Variants in STX11 observed in about 807,000 individuals in gnomAD.
The protein encoded by STX11 is syntaxin-11.
Under a neutral mutation model 19.9 loss-of-function variants are expected in STX11, and 21 were observed. That is an observed-to-expected ratio of 1.06 (90% CI 0.75 to 1.52). The LOEUF (loss-of-function observed/expected upper bound fraction) is 1.52. Among genes scored for constraint, STX11 ranks in the 40% most tolerant of loss-of-function variants. The pLI, the probability that STX11 is intolerant of heterozygous loss-of-function variation, is 0.00. For missense variants in STX11, 438 were observed against 405.9 expected (o/e 1.08, Z -0.68); for synonymous variants, 193 against 174.4 (o/e 1.11, Z -0.84).
chr6:144,187,084 C>A lies in STX11; in HGVS notation c.457C>A (p.Gln153Lys), dbSNP rs369464977. Residue 153 changes from glutamine (Q) to lysine (K), a missense_variant, in exon 2 of 2, where the codon CAG (glutamine) becomes AAG (lysine). By Grantham distance (53) the Gln-to-Lys change is moderately conservative. Transcript: ENST00000367568. This position sits in a 1 kb window ranked among gnomAD's most constrained non-coding sequence, Gnocchi z 5.6. ...CGACTACAACCAGGCCGAGATGAAGCAGCGCGACAACTGCAAGATCCGCAT... is the reference window on the plus strand; with the variant it reads ...CGACTACAACCAGGCCGAGATGAAGAAGCGCGACAACTGCAAGATCCGCAT... ...MHDYNQAEMKQRDNCKIRIQR... is the reference protein window; with the variant it reads ...MHDYNQAEMKKRDNCKIRIQR... 1 of 1,613,704 alleles carries A rather than the reference C, an allele frequency of 6.2e-7. No homozygotes were observed. The highest frequency in any genetic ancestry group is 8.5e-7 in the Non-Finnish European group (1 of 1,179,998).
chr6:144,140,889 C>CA, the STX11 span: 12 of 689,930 alleles, frequency 1.7e-5, no homozygotes, highest in South Asian at 7.2e-4. Flanking sequence ...TATGGCTATA[C>CA]AAATGTTTAA....
chr6:144,149,721 C>T (rs1416742093), upstream of STX11, among the ~76,000 whole-genome samples: 1 of 152,192 alleles, frequency 6.6e-6, no homozygotes, highest in Non-Finnish European at 1.5e-5. The surrounding 1 kb of genome is among the most constrained non-coding windows in gnomAD (Gnocchi z 5.1). Flanking sequence ...AGAGATCCTC[C>T]CCCTTCGGCC....
At chr6:144,164,126 C>T (rs1368293871) in intron 1 of STX11, among the ~76,000 whole-genome samples, 1 of 152,100 alleles carries the variant, frequency 6.6e-6, no homozygotes, top group Non-Finnish European at 1.5e-5. Context: ...ACATGAAAGT[C>T]CCTGTCAGAG....
Position 144,154,347 on chromosome 6 carries a change from C to A in STX11, c.-6+3644C>A, listed in dbSNP as rs1245887690. ...TACTGTGCTACATGACATCCCACCC[C>A]CTACCTTCACTCCAAGAAATACCTG... is the stretch of plus-strand genomic sequence containing the variant. On this transcript the variant is annotated intron_variant, in intron 1 of 1. Coordinates refer to ENST00000367568, the MANE Select transcript of STX11 (RefSeq NM_003764.4). This position sits in a 1 kb window ranked among gnomAD's most constrained non-coding sequence, Gnocchi z 4.7. 6.6e-6 allele frequency among the ~76,000 whole-genome samples: 1 copy of A among 152,176 alleles called. No homozygotes were observed. Among genetic ancestry groups the A allele is most frequent in the African/African-American group, 2.4e-5 (1 of 41,436 alleles).
At position 144,150,581 on chromosome 6, in the gene STX11, GCGCCGGGAGCGGAGC is replaced by G; in HGVS notation, c.-118_-104del. ...AGGAACTCAGCCTCGGCCGCAGGAG[GCGCCGGGAGCGGAGC>G]CGCCGGGAGTCGCGCAACAGGTTTC... On this transcript the variant is annotated 5_prime_UTR_variant, in exon 1 of 2. Transcript: ENST00000367568. 4 of 985,462 alleles carry G rather than the reference GCGCCGGGAGCGGAGC, an allele frequency of 4.1e-6. No individual in the cohort carries two copies. The highest frequency in any genetic ancestry group is 4.8e-6 in the Non-Finnish European group (4 of 829,950). The allele number at this position is 985,462 out of a possible 1,614,324, so 61.0% of individuals were successfully genotyped here. A position where few individuals can be genotyped will look rare whatever the true frequency, so the allele number is the denominator to read the frequency against.
At chr6:144,164,780 A>G (rs1356629560) in intron 1 of STX11, among the ~76,000 whole-genome samples, 3 of 152,172 alleles carry the variant, frequency 2.0e-5, no homozygotes, top group Non-Finnish European at 4.4e-5. Context: ...TGCAACCTCC[A>G]TCTCATGGGT....
intron 1 of STX11, among the ~76,000 whole-genome samples, chr6:144,179,852 A>C (rs780040498): frequency 6.6e-6 from 1 of 152,242 alleles, no homozygotes; most frequent in African/African-American, 2.4e-5. Context: ...AATTGGTATA[A>C]AATTAGGACA....
chr6:144,154,261 C>G lies in STX11; in HGVS notation c.-6+3558C>G, dbSNP rs78220275. 2.9e-3 allele frequency among the ~76,000 whole-genome samples: 445 copies of G among 152,282 alleles called. 11 individuals are homozygous for G. Among genetic ancestry groups the G allele is most frequent in the East Asian group, 0.025 (129 of 5,174 alleles). On this transcript the variant is annotated intron_variant, in intron 1 of 1. Transcript: ENST00000367568. The surrounding 1 kb of genome is among the most constrained non-coding windows in gnomAD (Gnocchi z 4.7). ...CTCAGGTTGAAGTCACTCTCCTGCCCCTAACAATTCTTCCTTATCCAAGAA... is the reference window on the plus strand; with the variant it reads ...CTCAGGTTGAAGTCACTCTCCTGCCGCTAACAATTCTTCCTTATCCAAGAA...
At chr6:144,179,438 G>A (rs975903192) in intron 1 of STX11, among the ~76,000 whole-genome samples, 2 of 152,226 alleles carry the variant, frequency 1.3e-5, no homozygotes, top group African/African-American at 4.8e-5. Context: ...GTTGGGGAAA[G>A]TCCATTTGTT....
rs540065111 is a variant in STX11, at chr6:144,187,259, A to C, written c.632A>C (p.His211Pro). 1.7e-5 allele frequency: 28 copies of C among 1,613,668 alleles called. No individual in the cohort carries two copies. In the African/African-American group the frequency reaches 2.9e-4, roughly 17 times the overall value. Residue 211 changes from histidine to proline, a missense_variant, in exon 2 of 2, where the codon CAC becomes CCC. By Grantham distance (77) the His-to-Pro change is moderately conservative. Coordinates refer to ENST00000367568, the MANE Select transcript of STX11 (RefSeq NM_003764.4). This position sits in a 1 kb window ranked among gnomAD's most constrained non-coding sequence, Gnocchi z 5.6. ...GCCCTCAACGAGATCGAGAGCCGCC[A>C]CCGCGAACTGCTGCGCCTGGAGAGC... ...RAALNEIESR[H>P]RELLRLESRI...
intron 1 of STX11, among the ~76,000 whole-genome samples, chr6:144,168,006 G>A (rs1368436188): frequency 6.6e-6 from 1 of 152,176 alleles, no homozygotes; most frequent in Non-Finnish European, 1.5e-5. Context: ...AAAATAATGT[G>A]TTCAGGGCAA....
At chr6:144,146,848 T>G (rs1800882923), upstream of STX11, among the ~76,000 whole-genome samples, 1 of 152,134 alleles carries the variant, frequency 6.6e-6, no homozygotes, top group South Asian at 2.1e-4. The surrounding 1 kb of genome is among the most constrained non-coding windows in gnomAD (Gnocchi z 4.4). Flanking sequence ...ACCACACAGC[T>G]GAGATTATCA....
In STX11 at chr6:144,186,638, G is replaced by C; in HGVS notation, c.11G>C (p.Arg4Pro). The C allele has an allele frequency of 6.2e-7, 1 of 1,614,088 alleles. No homozygotes were observed. Among genetic ancestry groups the C allele is most frequent in the Non-Finnish European group, 8.5e-7 (1 of 1,180,038 alleles). Residue 4 changes from arginine to proline, a missense_variant, in exon 2 of 2, where the codon CGG becomes CCG. Arg to Pro is a moderately radical substitution (Grantham distance 103). Transcript: ENST00000367568. Reference sequence around the variant, plus strand: ...CTACTTGCAGGCAAAATGAAAGACCGGCTAGCAGAACTTCTGGACTTGTCC... The same window carrying C: ...CTACTTGCAGGCAAAATGAAAGACCCGCTAGCAGAACTTCTGGACTTGTCC... MKD[R>P]LAELLDLSKQ...
intron 1 of STX11, among the ~76,000 whole-genome samples, chr6:144,157,313 T>C (rs1198416917): frequency 6.6e-6 from 1 of 152,198 alleles, no homozygotes; most frequent in Non-Finnish European, 1.5e-5. Flanking sequence ...TCAGCATTTG[T>C]ACCTACATCA....
At chr6:144,178,977 A>G (rs1259962962) in intron 1 of STX11, among the ~76,000 whole-genome samples, 5 of 152,164 alleles carry the variant, frequency 3.3e-5, no homozygotes, top group African/African-American at 1.2e-4. Context: ...CATGCTGCTG[A>G]TAAAGACATA....
chr6:144,185,335 T>C (rs1023288100), intron 1 of STX11, among the ~76,000 whole-genome samples: 3 of 152,328 alleles, frequency 2.0e-5, no homozygotes, highest in South Asian at 2.1e-4. Flanking sequence ...CCCTGATAGA[T>C]TGCGTAACCA....
rs1041154906 is a variant in STX11, at chr6:144,167,104, G to T, written c.-6+16401G>T. On this transcript the variant is annotated intron_variant, in intron 1 of 1. Transcript: ENST00000367568. This position sits in a 1 kb window ranked among gnomAD's most constrained non-coding sequence, Gnocchi z 5.0. The stretch of plus-strand genomic sequence containing the variant: ...TTCTTCTGAACACTGTCTCTTAAGT[G>T]TTGGCAACCTTCTGGTATAGAAAAG... 6.6e-6 allele frequency among the ~76,000 whole-genome samples: 1 copy of T among 152,108 alleles called. No homozygotes were observed. The highest frequency in any genetic ancestry group is 2.4e-5 in the African/African-American group (1 of 41,430).
chr6:144,154,764 T>G lies in STX11; in HGVS notation c.-6+4061T>G, dbSNP rs1341774420. Among the ~76,000 whole-genome samples the G allele has an allele frequency of 6.6e-6, 1 of 152,208 alleles. No homozygotes were observed. Among genetic ancestry groups the G allele is most frequent in the African/African-American group, 2.4e-5 (1 of 41,442 alleles). On this transcript the variant is annotated intron_variant, in intron 1 of 1. Transcript: ENST00000367568. The surrounding 1 kb of genome is among the most constrained non-coding windows in gnomAD (Gnocchi z 4.7). ...CCCTGAAGCAGGCGCCTTACCTGCC[T>G]CTAACTTCCAGAATTTTATTAAGTG...
rs1051164491 is a variant in STX11, at chr6:144,175,245, A to G, written c.-5-11378A>G. ...GCAACAGAGCGAGACCCTGTGTCAA[A>G]CAATAATAATAATGATAATATAGTA... On this transcript the variant is annotated intron_variant, in intron 1 of 1. Transcript: ENST00000367568. This position sits in a 1 kb window ranked among gnomAD's most constrained non-coding sequence, Gnocchi z 5.1. 6.6e-6 allele frequency among the ~76,000 whole-genome samples: 1 copy of G among 152,234 alleles called. No individual in the cohort carries two copies. Among genetic ancestry groups the G allele is most frequent in the African/African-American group, 2.4e-5 (1 of 41,468 alleles).
Sources: gnomAD v4.1 joint callset for allele counts (sites outside exome capture counted in the v4.1 genomes callset) on GRCh38, gnomAD v4.1.1 for gene constraint, Gnocchi (gnomAD v3.1) non-coding constraint, MANE v1.5 for transcripts, NCBI Gene and HGNC (gene_info 2026-07-23, HGNC 2026-07-21) for gene names.